The following COL14A1 variants were observed in gnomAD, a reference collection of about 807,000 sequenced individuals.
COL14A1 encodes the protein collagen alpha-1(XIV) chain.
In COL14A1, 136 loss-of-function variants were observed where a neutral mutation model predicts 230.3. That is an observed-to-expected ratio of 0.59 (90% CI 0.51 to 0.68). COL14A1 has a LOEUF of 0.68. Ranked by LOEUF, COL14A1 falls within the 30% of genes least tolerant of loss-of-function variation. The pLI is 0.00. For synonymous variants in COL14A1, 792 were observed against 784.1 expected (o/e 1.01, Z -0.17); for missense variants, 1,976 against 2,215.8 (o/e 0.89, Z 2.17).
chr8:120,300,702 A>G lies in COL14A1; in HGVS notation c.4315-30A>G, dbSNP rs369567984. The G allele has an allele frequency of 2.8e-4, 429 of 1,549,688 alleles. 2 individuals carry two copies. The highest frequency in any genetic ancestry group is 9.8e-4 in the Admixed American group (57 of 57,888). ...AGCCATTTGTATAAACTGGCATGCTAATGGTTGTGCTTTTTTTGTTTCTTT... is the reference window on the plus strand; with the variant it reads ...AGCCATTTGTATAAACTGGCATGCTGATGGTTGTGCTTTTTTTGTTTCTTT... On this transcript the variant is annotated intron_variant, in intron 35 of 47. Coordinates refer to ENST00000297848, the MANE Select transcript of COL14A1 (RefSeq NM_021110.4).
At chr8:120,346,015 G>A (rs1044377944) in intron 45 of COL14A1, among the ~76,000 whole-genome samples, 2 of 152,258 alleles carry the variant, frequency 1.3e-5, no homozygotes, top group Non-Finnish European at 2.9e-5. Flanking sequence ...GCAATAGTCA[G>A]TGGCAGTCCT....
chr8:120,361,988 G>A (rs1823237547), intron 45 of COL14A1, among the ~76,000 whole-genome samples: 2 of 152,234 alleles, frequency 1.3e-5, no homozygotes, highest in African/African-American at 4.8e-5. Flanking sequence ...ATTGAGGAAA[G>A]CATCTGAGGA....
intron 1 of COL14A1, among the ~76,000 whole-genome samples, chr8:120,132,748 A>G (rs1331024231): frequency 2.0e-5 from 3 of 152,120 alleles, no homozygotes; most frequent in Admixed American, 2.0e-4. Flanking sequence ...ATTTTTAAAC[A>G]AAGTACAAAT....
At chr8:120,201,239 T>C (rs1817238221) in intron 8 of COL14A1, among the ~76,000 whole-genome samples, 1 of 152,144 alleles carries the variant, frequency 6.6e-6, no homozygotes, top group Non-Finnish European at 1.5e-5. Flanking sequence ...GTATTATGTT[T>C]GAACTTTGTT....
At chr8:120,159,392 G>C (rs754576523) in intron 3 of COL14A1, among the ~76,000 whole-genome samples, 1 of 151,990 alleles carries the variant, frequency 6.6e-6, no homozygotes, top group African/African-American at 2.4e-5. Context: ...AGTTCTCCAA[G>C]GATCCATTTT....
rs779847991 is a variant in COL14A1 at position 120,212,551 on chromosome 8, A to T, written c.1571A>T (p.Asp524Val). 6.2e-7 allele frequency: 1 copy of T among 1,613,624 alleles called. No individual in the cohort carries two copies. The highest frequency in any genetic ancestry group is 8.5e-7 in the Non-Finnish European group (1 of 1,179,630). ...GCCATGTTTGGAGAAGAGGCCAGTG[A>T]TCCTGTTACGGGACAAGAAACAACA... ...VYAMFGEEASDPVTGQETTLA... is the reference protein window; with the variant it reads ...VYAMFGEEASVPVTGQETTLA... Residue 524 changes from aspartate (D) to valine (V), a missense_variant, in exon 13 of 48, where the codon GAT becomes GTT. Around this residue, in one of 3 missense-constraint regions of COL14A1, gnomAD observed 1,791 missense variants for 2,019.5 expected, o/e 0.89. Transcript: ENST00000297848.
At chr8:120,253,851 G>C (rs1452479041) in intron 22 of COL14A1, among the ~76,000 whole-genome samples, 4 of 152,332 alleles carry the variant, frequency 2.6e-5, no homozygotes, top group Admixed American at 1.3e-4. Context: ...CTGTACCCAG[G>C]AGGTGGAGGT....
chr8:120,149,360 A>T (rs1400558250), intron 2 of COL14A1, among the ~76,000 whole-genome samples: 2 of 152,326 alleles, frequency 1.3e-5, no homozygotes, highest in East Asian at 3.9e-4. Context: ...GGGTTAAGGA[A>T]CTGTATTTCC....
At chr8:120,164,066 G>C (rs1815781168) in intron 4 of COL14A1, among the ~76,000 whole-genome samples, 1 of 152,026 alleles carries the variant, frequency 6.6e-6, no homozygotes, top group African/African-American at 2.4e-5. Flanking sequence ...TTAACTTTCT[G>C]TTACTTCATT....
At chr8:120,144,972 A>G (rs780168617) in intron 1 of COL14A1, among the ~76,000 whole-genome samples, 92 of 152,320 alleles carry the variant, frequency 6.0e-4, no homozygotes, top group Admixed American at 2.5e-3. Flanking sequence ...AACCCAGTAA[A>G]TGAAATTGTC....
intron 2 of COL14A1, among the ~76,000 whole-genome samples, 196 bp from the exon 3 acceptor site, chr8:120,157,934 G>A (rs1449913363): frequency 6.6e-6 from 1 of 152,176 alleles, no homozygotes; most frequent in African/African-American, 2.4e-5. Context: ...GTAGTGAGCT[G>A]AGATCGTGCC....
chr8:120,163,712 G>A (rs1176309185), intron 4 of COL14A1, among the ~76,000 whole-genome samples: 3 of 152,188 alleles, frequency 2.0e-5, no homozygotes, highest in East Asian at 3.9e-4. Flanking sequence ...GCAGTGAGCC[G>A]AGATTGCGCC....
chr8:120,172,685 T>C (rs192775399), intron 5 of COL14A1, among the ~76,000 whole-genome samples: 4 of 152,268 alleles, frequency 2.6e-5, no homozygotes, highest in Admixed American at 2.6e-4. Context: ...CAGACAGTTT[T>C]CCCCCCACAC....
chr8:120,224,262 A>T (rs899575141), intron 14 of COL14A1, among the ~76,000 whole-genome samples: 1 of 151,850 alleles, frequency 6.6e-6, no homozygotes, highest in Non-Finnish European at 1.5e-5. Flanking sequence ...CCCAACCTCA[A>T]GTGATCTACC....
intron 47 of COL14A1, 72 bp from the exon 48 acceptor site, chr8:120,371,080 C>T: frequency 7.6e-7 from 1 of 1,313,644 alleles, no homozygotes; most frequent in Non-Finnish European, 1.1e-6. Context: ...CTCTAAGGAC[C>T]CAGGTGAGGG....
Position 120,371,935 on chromosome 8 carries a change from G to C in COL14A1, c.*704G>C. The C allele has an allele frequency of 3.3e-6, 1 of 304,050 alleles. No individual in the cohort carries two copies. 18.8% of individuals were successfully genotyped at this position (304,050 alleles called of 1,614,324 possible). On this transcript the variant is annotated 3_prime_UTR_variant, in exon 48 of 48. Transcript: ENST00000297848. ...ATTTATCCAGCAGTGTGTTCCAGGG[G>C]TTGCCTCTCCTTATCTACGGGGATT...
chr8:120,192,904 T>A (rs1208679956), intron 5 of COL14A1, among the ~76,000 whole-genome samples: 15 of 152,208 alleles, frequency 9.9e-5, no homozygotes, highest in Non-Finnish European at 2.1e-4. Context: ...CATCAGCTCC[T>A]TTAAGCACTT....
In COL14A1 at chr8:120,200,046, A is replaced by AAAGCATATATATATATATATATATAT. The variant is rs60929332; in HGVS notation, c.877+497_877+498insTATATATATAAGCATATATATATATA. On this transcript the variant is annotated intron_variant, in intron 8 of 47. Transcript: ENST00000297848. ...TTATAAGGTATCCTTCTTGTGTGAA[A>AAAGCATATATATATATATATATATAT]AAGCATATATATATATAGATAGCAT... Among the ~76,000 whole-genome samples the AAAGCATATATATATATATATATATAT allele has an allele frequency of 6.0e-4, 63 of 105,658 alleles. 1 individual carries two copies. Among genetic ancestry groups the AAAGCATATATATATATATATATATAT allele is most frequent in the African/African-American group, 2.1e-3 (62 of 29,564 alleles). 69.3% of individuals were successfully genotyped at this position (105,658 alleles called of 152,430 possible). A position where few individuals can be genotyped will look rare whatever the true frequency, so the allele number is the denominator to read the frequency against.
chr8:120,323,265 G>GT lies in COL14A1; in HGVS notation c.4659+7277dup, dbSNP rs371507386. Among the ~76,000 whole-genome samples the GT allele has an allele frequency of 1.9e-3, 281 of 150,078 alleles. 1 individual carries two copies. Among genetic ancestry groups the GT allele is most frequent in the Middle Eastern group, 6.9e-3 (2 of 288 alleles). On this transcript the variant is annotated intron_variant, in intron 40 of 47. Coordinates refer to ENST00000297848, the MANE Select transcript of COL14A1 (RefSeq NM_021110.4). ...CCTTTGCCTACTTTTTAATGGAGTT[G>GT]TTTTTTTTTCTTGCAAGTTTGTTTA...
Sources: gnomAD v4.1 joint callset for allele counts (sites outside exome capture counted in the v4.1 genomes callset) on GRCh38, gnomAD v4.1.1 for gene constraint, gnomAD v4.1.1 regional missense constraint, MANE v1.5 for transcripts, NCBI Gene and HGNC (gene_info 2026-07-23, HGNC 2026-07-21) for gene names.